The following MANBA variants were observed in gnomAD, a reference collection of about 807,000 sequenced individuals.
The protein encoded by MANBA is mannosidase beta.
MANBA carries 83 observed loss-of-function variants against 111.1 expected under a neutral mutation model. The ratio of observed to expected loss-of-function variants is 0.75; its 90% CI spans 0.63 to 0.90. The LOEUF is 0.90. Ranked by LOEUF, MANBA falls within the 40% of genes least tolerant of loss-of-function variation. The probability of loss-of-function intolerance (pLI) is 0.00; values close to 1 mark genes in which losing one functional copy is unlikely to be tolerated. For synonymous variants in MANBA, 370 were observed against 378.7 expected (o/e 0.98, Z 0.27); for missense variants, 1,036 against 1,069.0 (o/e 0.97, Z 0.43).
chr4:102,748,994 T>A (rs74973695), intron 1 of MANBA, among the ~76,000 whole-genome samples: 3,279 of 151,702 alleles, frequency 0.022, 130 homozygotes, highest in African/African-American at 0.074. Flanking sequence ...TCTCTTTTTT[T>A]AAAAAAAAGA....
rs56261749 is a variant in MANBA at position 102,730,475 on chromosome 4, G to A, written c.178-3792C>T. 3.4e-3 allele frequency: 1,782 copies of A among 519,516 alleles called. 30 individuals are homozygous for A. Among genetic ancestry groups the A allele is most frequent in the African/African-American group, 0.029 (1,543 of 52,602 alleles). The allele number at this position is 519,516 out of a possible 1,614,324, so 32.2% of individuals were successfully genotyped here. ...TAAGGGTCAGCTGCACTGCGGGGGCGGTTCCTGGGGCAGCTCGTCCCTAAC... is the reference window on the plus strand; with the variant it reads ...TAAGGGTCAGCTGCACTGCGGGGGCAGTTCCTGGGGCAGCTCGTCCCTAAC... On this transcript the variant is annotated intron_variant, in intron 1 of 16. Coordinates refer to ENST00000647097, the MANE Select transcript of MANBA (RefSeq NM_005908.4).
At chr4:102,680,833 T>A (rs896185183) in intron 7 of MANBA, among the ~76,000 whole-genome samples, 26 of 152,234 alleles carry the variant, frequency 1.7e-4, no homozygotes, top group African/African-American at 6.0e-4. Flanking sequence ...TCTGGAAATA[T>A]GAGAATGACT....
chr4:102,737,547 A>C (rs376169839), intron 1 of MANBA, among the ~76,000 whole-genome samples: 2 of 151,820 alleles, frequency 1.3e-5, no homozygotes, highest in South Asian at 2.1e-4. Flanking sequence ...CAGTGGCACG[A>C]TCTCTGCTCA....
chr4:102,673,848 A>G, intron 8 of MANBA, 71 bp downstream of exon 8: 2 of 1,434,720 alleles, frequency 1.4e-6, no homozygotes, highest in Non-Finnish European at 2.0e-6. Context: ...AGAAAGTAAA[A>G]ATGAGTAAAC....
chr4:102,714,495 T>A lies in MANBA; in HGVS notation c.616A>T (p.Arg206Ter). ...TGACAAATATTATAGGCTTCAATTC[T>A]AACATCTTTCCAGATTCCCTGGGTA... ...FPTQGIWKDV[R>*]IEAYNICHLN... The change falls in exon 5 of 17, where the codon AGA (arginine) becomes TGA (stop). Residue 206 changes from arginine to a stop codon, truncating the protein, a stop_gained. Transcript: ENST00000647097. LOFTEE classifies it high-confidence loss of function. 6.2e-7 allele frequency: 1 copy of A among 1,603,860 alleles called. No homozygotes were observed. The highest frequency in any genetic ancestry group is 8.5e-7 in the Non-Finnish European group (1 of 1,170,722).
At chr4:102,670,675 C>A (rs1204272962) in intron 9 of MANBA, among the ~76,000 whole-genome samples, 2 of 152,046 alleles carry the variant, frequency 1.3e-5, no homozygotes, top group Non-Finnish European at 2.9e-5. Flanking sequence ...GAAACCCCAT[C>A]TCTACTAAAA....
intron 11 of MANBA, among the ~76,000 whole-genome samples, chr4:102,664,312 C>T (rs1731105318): frequency 6.6e-6 from 1 of 152,066 alleles, no homozygotes; most frequent in Admixed American, 6.5e-5. Flanking sequence ...ATAAAACATA[C>T]TATACCAGTA....
intron 13 of MANBA, 89 bp from the exon 14 acceptor site, chr4:102,639,946 G>C: frequency 6.8e-7 from 1 of 1,475,412 alleles, no homozygotes; most frequent in South Asian, 1.1e-5. Context: ...GTTTTGTTTT[G>C]GGTTTTTTCT....
rs111676426 is a variant in MANBA, at chr4:102,728,792, T to C, written c.178-2109A>G. 5.0e-3 allele frequency: 4,756 copies of C among 941,848 alleles called. 94 individuals are homozygous for C. The highest frequency in any genetic ancestry group is 0.045 in the African/African-American group (2,793 of 61,536). 58.3% of individuals were successfully genotyped at this position (941,848 alleles called of 1,614,324 possible). ...GGACTAGGACACCAGCCTCCCATCA[T>C]GGGTCTCGATCTTCTTCACAACCAC... is the stretch of plus-strand genomic sequence containing the variant. On this transcript the variant is annotated intron_variant, in intron 1 of 16. Coordinates refer to ENST00000647097, the MANE Select transcript of MANBA (RefSeq NM_005908.4).
intron 5 of MANBA, among the ~76,000 whole-genome samples, chr4:102,713,574 C>T (rs1231969790): frequency 2.0e-5 from 3 of 152,170 alleles, no homozygotes; most frequent in Non-Finnish European, 4.4e-5. Flanking sequence ...TGAATAGTTG[C>T]TTCAACTTAA....
intron 7 of MANBA, among the ~76,000 whole-genome samples, chr4:102,678,575 CT>C (rs1731823302): frequency 6.6e-6 from 1 of 151,806 alleles, no homozygotes; most frequent in South Asian, 2.1e-4. Context: ...GTATAAATAC[CT>C]AAGAAACTAA....
At chr4:102,633,206 CAG>C in intron 16 of MANBA, 1 of 397,988 alleles carries the variant, frequency 2.5e-6, no homozygotes, top group Non-Finnish European at 4.4e-6. Flanking sequence ...TCTTCAGGAT[CAG>C]AGACTCAGGC....
intron 1 of MANBA, among the ~76,000 whole-genome samples, chr4:102,756,156 T>C (rs1724003519): frequency 1.3e-5 from 2 of 152,204 alleles, no homozygotes; most frequent in African/African-American, 4.8e-5. Context: ...ATCATGCTAC[T>C]ATAAAGACAC....
intron 14 of MANBA, among the ~76,000 whole-genome samples, chr4:102,636,939 G>T (rs1374094533): frequency 6.6e-6 from 1 of 152,174 alleles, no homozygotes; most frequent in Non-Finnish European, 1.5e-5. Context: ...CCTGGTAGGA[G>T]GTAACTGAAC....
rs1729800932 is a variant in MANBA at position 102,639,838 on chromosome 4, A to T, written c.1889T>A (p.Val630Asp). Residue 630 changes from valine to aspartate, a missense_variant, in exon 14 of 17, where the codon GTC becomes GAC. By Grantham distance (152) the Val-to-Asp change is radical (BLOSUM62 -3). Coordinates refer to ENST00000647097, the MANE Select transcript of MANBA (RefSeq NM_005908.4). ...YLTQVMQAQC[V>D]KTETEFYRRS... ...GCGGTAGAATTCAGTTTCTGTTTTGACACACTGGGCCTGCATCACCTGATT... is the reference window on the plus strand; with the variant it reads ...GCGGTAGAATTCAGTTTCTGTTTTGTCACACTGGGCCTGCATCACCTGATT... 4.3e-6 allele frequency: 7 copies of T among 1,613,962 alleles called. No individual in the cohort carries two copies. Among genetic ancestry groups the T allele is most frequent in the African/African-American group, 1.3e-5 (1 of 74,900 alleles).
chr4:102,747,078 T>C (rs1287332605), intron 1 of MANBA, among the ~76,000 whole-genome samples: 9 of 151,992 alleles, frequency 5.9e-5, no homozygotes, highest in Non-Finnish European at 1.2e-4. Context: ...ACTCCATCCT[T>C]AATATTCTGT....
At chr4:102,732,910 CCACAA>C (rs1723081031) in intron 1 of MANBA, among the ~76,000 whole-genome samples, 1 of 152,250 alleles carries the variant, frequency 6.6e-6, no homozygotes, top group East Asian at 1.9e-4. Context: ...AGCAATTCAG[CCACAA>C]CACATCAACA....
intron 12 of MANBA, among the ~76,000 whole-genome samples, chr4:102,657,233 T>TGGGGGGGGGGGGGGGG (rs1730603182): frequency 2.3e-5 from 1 of 43,410 alleles, no homozygotes; most frequent in Non-Finnish European, 4.4e-5. Context: ...GGGGGGGGGG[T>TGGGGGGGGGGGGGGGG]GGGCGGTGGT....
intron 12 of MANBA, among the ~76,000 whole-genome samples, chr4:102,651,869 T>C (rs944846435): frequency 9.2e-5 from 14 of 152,232 alleles, no homozygotes; most frequent in Non-Finnish European, 1.3e-4. Flanking sequence ...GAGATTCACA[T>C]TGACAATCAT....
Sources: gnomAD v4.1 joint callset for allele counts (sites outside exome capture counted in the v4.1 genomes callset) on GRCh38, gnomAD v4.1.1 for gene constraint, MANE v1.5 for transcripts, NCBI Gene and HGNC (gene_info 2026-07-23, HGNC 2026-07-21) for gene names.